ITCH: variants seen among roughly 807,000 people sequenced by gnomAD.
ITCH encodes itchy E3 ubiquitin protein ligase.
A neutral mutation model predicts 126.8 loss-of-function variants in ITCH; 28 were observed. The ratio of observed to expected loss-of-function variants is 0.22; its 90% CI spans 0.16 to 0.30. ITCH has a LOEUF of 0.30. Among genes scored for constraint, ITCH ranks in the 10% least tolerant of loss-of-function variants. The probability of loss-of-function intolerance (pLI) is 1.00; values close to 1 mark genes in which losing one functional copy is unlikely to be tolerated. For synonymous variants in ITCH, 342 were observed against 340.0 expected, an observed-to-expected ratio of 1.01 and a Z score of -0.06; for missense variants, 631 against 1,032.4, an observed-to-expected ratio of 0.61 and a Z score of 5.33.
At chr20:34,482,520 A>C (rs1988825329) in intron 20 of ITCH, among the ~76,000 whole-genome samples, 1 of 152,228 alleles carries the variant, frequency 6.6e-6, no homozygotes, top group Admixed American at 6.5e-5. Flanking sequence ...CAAATCTTCA[A>C]GTTCCAAAAT....
At chr20:34,431,800 G>A (rs1348864630) in intron 7 of ITCH, among the ~76,000 whole-genome samples, 1 of 152,072 alleles carries the variant, frequency 6.6e-6, no homozygotes, top group Non-Finnish European at 1.5e-5. Flanking sequence ...AGCACTTTGG[G>A]AGGCCAAGGT....
chr20:34,418,757 C>CTTTTTTTTTTTTTTTTTTTTTTTT (rs373974620), intron 6 of ITCH, among the ~76,000 whole-genome samples: 2 of 116,534 alleles, frequency 1.7e-5, no homozygotes, highest in Non-Finnish European at 3.4e-5. Context: ...TCTTTTTTTC[C>CTTTTTTTTTTTTTTTTTTTTTTTT]TTTTTTTTTT....
intron 12 of ITCH, among the ~76,000 whole-genome samples, chr20:34,451,201 A>G (rs1318561736): frequency 6.6e-6 from 1 of 151,496 alleles, no homozygotes; most frequent in African/African-American, 2.4e-5. Context: ...GAGGCAGGAG[A>G]GTCACTTGAA....
intron 14 of ITCH, among the ~76,000 whole-genome samples, chr20:34,463,159 T>C (rs1197120575): frequency 6.6e-6 from 1 of 152,200 alleles, no homozygotes; most frequent in African/African-American, 2.4e-5. Context: ...TATCAGGAGT[T>C]GGAGACCAGT....
At chr20:34,405,164 AGG>A (rs1373497805) in intron 3 of ITCH, among the ~76,000 whole-genome samples, 1 of 148,754 alleles carries the variant, frequency 6.7e-6, no homozygotes, top group Non-Finnish European at 1.5e-5. Context: ...AAAAAAAAAA[AGG>A]TTTCAGTGGG....
chr20:34,461,116 A>T (rs1164738796), intron 13 of ITCH, among the ~76,000 whole-genome samples: 1 of 152,174 alleles, frequency 6.6e-6, no homozygotes, highest in Non-Finnish European at 1.5e-5. Flanking sequence ...GTGGCAGATC[A>T]TATCTTATTT....
At chr20:34,467,134 T>C (rs895311022) in intron 14 of ITCH, among the ~76,000 whole-genome samples, 1 of 152,154 alleles carries the variant, frequency 6.6e-6, no homozygotes, top group South Asian at 2.1e-4. Flanking sequence ...ACATTTTAGA[T>C]CAAATGGACA....
intron 2 of ITCH, among the ~76,000 whole-genome samples, chr20:34,390,443 C>CTTTTTTTTTTTTTTT (rs546555130): frequency 2.2e-5 from 2 of 90,794 alleles, no homozygotes; most frequent in Non-Finnish European, 4.4e-5. Flanking sequence ...CAAGAATAAT[C>CTTTTTTTTTTTTTTT]TTTTTTTTTT....
intron 7 of ITCH, among the ~76,000 whole-genome samples, chr20:34,433,567 G>C (rs1485885362): frequency 6.7e-6 from 1 of 150,212 alleles, no homozygotes; most frequent in South Asian, 2.1e-4. Flanking sequence ...GGAATAGGAG[G>C]ATCACGTGAG....
intron 2 of ITCH, among the ~76,000 whole-genome samples, chr20:34,372,025 G>A (rs980903136): frequency 3.3e-5 from 5 of 151,872 alleles, no homozygotes; most frequent in East Asian, 1.9e-4. Flanking sequence ...ATAAGGCTTC[G>A]GCCGGCCGCG....
intron 20 of ITCH, among the ~76,000 whole-genome samples, chr20:34,488,408 T>G (rs1488141194): frequency 6.6e-6 from 1 of 152,164 alleles, no homozygotes; most frequent in Admixed American, 6.5e-5. Context: ...AATACTGAAG[T>G]ATTTGTTCAA....
intron 2 of ITCH, among the ~76,000 whole-genome samples, chr20:34,387,156 A>T (rs1381431197): frequency 1.3e-5 from 2 of 152,010 alleles, no homozygotes; most frequent in Admixed American, 1.3e-4. Flanking sequence ...TACAAAAAAA[A>T]TTAGCCAGAT....
chr20:34,402,932 AC>A (rs1216486032), intron 3 of ITCH, among the ~76,000 whole-genome samples: 1 of 152,226 alleles, frequency 6.6e-6, no homozygotes, highest in Non-Finnish European at 1.5e-5. Flanking sequence ...ATTAAATATT[AC>A]TGCATTTCCC....
intron 3 of ITCH, chr20:34,401,762 AG>A: frequency 2.5e-6 from 1 of 402,314 alleles, no homozygotes; most frequent in Non-Finnish European, 3.4e-6. Flanking sequence ...AAAAAAGAGG[AG>A]GGGGAAAAAA....
chr20:34,457,493 G>T lies in ITCH; in HGVS notation c.1295+19G>T, dbSNP rs748310685. 76 of 1,473,592 alleles carry T rather than the reference G, an allele frequency of 5.2e-5. 1 individual carries two copies. The highest frequency in any genetic ancestry group is 7.0e-5 in the Non-Finnish European group (74 of 1,054,006). The allele number at this position is 1,473,592 out of a possible 1,614,324, so 91.3% of individuals were successfully genotyped here. ...GTCAAGGGTAAGAATAGTTACTTGT[G>T]TATATTTAATCTCTTAAAGATTATA... On this transcript the variant is annotated intron_variant, in intron 13 of 24. Coordinates refer to ENST00000374864, the MANE Select transcript of ITCH (RefSeq NM_031483.7).
chr20:34,437,264 C>T (rs1266215216), intron 7 of ITCH, among the ~76,000 whole-genome samples: 1 of 152,032 alleles, frequency 6.6e-6, no homozygotes, highest in Non-Finnish European at 1.5e-5. Context: ...CATTGCAATA[C>T]ATGTTTTACA....
intron 13 of ITCH, among the ~76,000 whole-genome samples, chr20:34,461,665 C>T (rs935420490): frequency 7.4e-6 from 1 of 135,350 alleles, no homozygotes; most frequent in Non-Finnish European, 1.5e-5. Flanking sequence ...GCCAAGATAT[C>T]GTGCCCCTGC....
chr20:34,386,207 A>G (rs1010377575), intron 2 of ITCH, among the ~76,000 whole-genome samples: 1 of 152,052 alleles, frequency 6.6e-6, no homozygotes, highest in Non-Finnish European at 1.5e-5. Flanking sequence ...CCTGGGATCA[A>G]GCAATTCTCA....
intron 3 of ITCH, chr20:34,401,727 AG>A: frequency 1.3e-5 from 9 of 684,370 alleles, no homozygotes; most frequent in African/African-American, 1.9e-5. Flanking sequence ...AAAAAAAAAA[AG>A]ACTGAAAAAC....
Sources: gnomAD v4.1 joint callset for allele counts (sites outside exome capture counted in the v4.1 genomes callset) on GRCh38, gnomAD v4.1.1 for gene constraint, MANE v1.5 for transcripts, NCBI Gene and HGNC (gene_info 2026-07-23, HGNC 2026-07-21) for gene names.